Variants in BCL2 observed in about 807,000 individuals in gnomAD.
The protein encoded by BCL2 is apoptosis regulator Bcl-2.
In BCL2, 1 loss-of-function variant was observed where a neutral mutation model predicts 14.2. The ratio of observed to expected loss-of-function variants is 0.07; its 90% CI spans 0.02 to 0.33. The LOEUF is 0.33. Among genes scored for constraint, BCL2 ranks in the 10% least tolerant of loss-of-function variants. The pLI, the probability that BCL2 is intolerant of heterozygous loss-of-function variation, is 0.99. For synonymous variants in BCL2, 151 were observed against 137.2 expected, an observed-to-expected ratio of 1.10 and a Z score of -0.70; for missense variants, 247 against 305.9, an observed-to-expected ratio of 0.81 and a Z score of 1.44.
chr18:63,256,201 A>C (rs11661497), intron 2 of BCL2, among the ~76,000 whole-genome samples: 139,597 of 152,256 alleles, frequency 0.92, 64,513 homozygotes, highest in Non-Finnish European at 0.97. Flanking sequence ...TATATATGGG[A>C]AGACAACATT....
In BCL2 at chr18:63,124,898, A is replaced by G. The variant is rs1364710640; in HGVS notation, c.*3727T>C. 4.5e-6 allele frequency: 1 copy of G among 224,712 alleles called. No homozygotes were observed. Among genetic ancestry groups the G allele is most frequent in the Admixed American group, 5.7e-5 (1 of 17,518 alleles). The allele number at this position is 224,712 out of a possible 1,614,324, so 13.9% of individuals were successfully genotyped here. On this transcript the variant is annotated 3_prime_UTR_variant, in exon 3 of 3. Transcript: ENST00000333681. ...TGTACATTACTAACTATAAGTGATAAGAAAGTCTAAAAACAGCCACTGCCT... is the reference window on the plus strand; with the variant it reads ...TGTACATTACTAACTATAAGTGATAGGAAAGTCTAAAAACAGCCACTGCCT...
In BCL2 at chr18:63,168,962, T is replaced by C. The variant is rs557507654; in HGVS notation, c.586-40203A>G. On this transcript the variant is annotated intron_variant, in intron 2 of 2. Transcript: ENST00000333681. ...CGCTCAGCGGTCATCTGTCTTTATC[T>C]TGGGGTCTTAACTGTATTTGATGAA... Among the ~76,000 whole-genome samples, 24 of 152,366 alleles carry C rather than the reference T, an allele frequency of 1.6e-4. No individual in the cohort carries two copies. The South Asian group carries it at 4.8e-3, about 30-fold the overall frequency.
intron 2 of BCL2, among the ~76,000 whole-genome samples, chr18:63,250,996 C>T (rs1368681713): frequency 6.6e-6 from 1 of 152,042 alleles, no homozygotes; most frequent in Admixed American, 6.5e-5. Flanking sequence ...TGGCTTTCCT[C>T]CACCGCTCTG....
intron 2 of BCL2, among the ~76,000 whole-genome samples, chr18:63,129,309 GA>G (rs1249822872): frequency 2.8e-5 from 4 of 143,166 alleles, no homozygotes; most frequent in Non-Finnish European, 6.0e-5. Context: ...TTTTTTTAGA[GA>G]CAAGAGTCTT....
At chr18:63,164,316 A>C (rs1438761942) in intron 2 of BCL2, among the ~76,000 whole-genome samples, 2 of 152,222 alleles carry the variant, frequency 1.3e-5, no homozygotes, top group African/African-American at 2.4e-5. Context: ...ACATAAACTC[A>C]ATACAACTCA....
At chr18:63,296,375 G>GCAGCCTCAACCTCCCATCT (rs1912795301) in intron 2 of BCL2, among the ~76,000 whole-genome samples, 2 of 152,014 alleles carry the variant, frequency 1.3e-5, no homozygotes, top group African/African-American at 4.8e-5. Context: ...ATGGCTCACT[G>GCAGCCTCAACCTCCCATCT]CAGCCTCAAC....
rs577765262 is a variant in BCL2, at chr18:63,126,862, C to T, written c.*1763G>A. 2.6e-5 allele frequency: 6 copies of T among 228,238 alleles called. No homozygotes were observed. Among genetic ancestry groups the T allele is most frequent in the Non-Finnish European group, 4.4e-5 (5 of 114,864 alleles). The allele number at this position is 228,238 out of a possible 1,614,324, so 14.1% of individuals were successfully genotyped here. The stretch of plus-strand genomic sequence containing the variant: ...ATCAACCACAGCATTAAACATTGAA[C>T]AGAGTACATTCCAAAGTTAATACAG... On this transcript the variant is annotated 3_prime_UTR_variant, in exon 3 of 3. Coordinates refer to ENST00000333681, the MANE Select transcript of BCL2 (RefSeq NM_000633.3).
intron 2 of BCL2, among the ~76,000 whole-genome samples, chr18:63,267,905 C>T (rs968643259): frequency 6.6e-5 from 10 of 152,074 alleles, no homozygotes; most frequent in Non-Finnish European, 1.0e-4. Context: ...TCTCTTCTGT[C>T]TTTCTTCCTT....
chr18:63,205,232 C>G (rs1909803707), intron 2 of BCL2, among the ~76,000 whole-genome samples: 1 of 152,196 alleles, frequency 6.6e-6, no homozygotes, highest in Non-Finnish European at 1.5e-5. Context: ...TTCCTTTGAA[C>G]CGGAATAATC....
At chr18:63,235,202 A>G (rs1184475232) in intron 2 of BCL2, among the ~76,000 whole-genome samples, 4 of 152,232 alleles carry the variant, frequency 2.6e-5, no homozygotes, top group Admixed American at 1.3e-4. Context: ...AGCATTAGGA[A>G]TTCTCAGACC....
At chr18:63,257,619 G>T (rs112776664) in intron 2 of BCL2, among the ~76,000 whole-genome samples, 9 of 152,172 alleles carry the variant, frequency 5.9e-5, no homozygotes, top group African/African-American at 2.2e-4. Flanking sequence ...ACCATTCAGG[G>T]AACTGAAAAG....
chr18:63,127,049 C>T lies in BCL2; in HGVS notation c.*1576G>A, dbSNP rs1395097929. On this transcript the variant is annotated 3_prime_UTR_variant, in exon 3 of 3. Coordinates refer to ENST00000333681, the MANE Select transcript of BCL2 (RefSeq NM_000633.3). ...CCCACCATTGATTTTTTTTTTAATG[C>T]CCCAGGATGTACAGATAACCCCCAT... The T allele has an allele frequency of 4.4e-6, 1 of 226,896 alleles. No individual in the cohort carries two copies. Among genetic ancestry groups the T allele is most frequent in the Non-Finnish European group, 8.7e-6 (1 of 114,304 alleles). The allele number at this position is 226,896 out of a possible 1,614,324, so 14.1% of individuals were successfully genotyped here. A position where few individuals can be genotyped will look rare whatever the true frequency, so the allele number is the denominator to read the frequency against.
chr18:63,240,928 A>C lies in BCL2; in HGVS notation c.585+77154T>G, dbSNP rs4987763. The stretch of plus-strand genomic sequence containing the variant: ...TTGGTGTCCACTGAAAGAATGAACA[A>C]ACGAGTCAGTAAATAAATACCATGA... On this transcript the variant is annotated intron_variant, in intron 2 of 2. Coordinates refer to ENST00000333681, the MANE Select transcript of BCL2 (RefSeq NM_000633.3). 6.6e-5 allele frequency among the ~76,000 whole-genome samples: 10 copies of C among 152,376 alleles called. No individual in the cohort carries two copies. In the East Asian group the frequency reaches 1.9e-3, roughly 29 times the overall value.
At chr18:63,138,565 C>T (rs374856043) in intron 2 of BCL2, among the ~76,000 whole-genome samples, 16 of 152,368 alleles carry the variant, frequency 1.1e-4, no homozygotes, top group African/African-American at 3.4e-4. Context: ...GGCACGGGAG[C>T]GTGAGAAGCA....
chr18:63,133,077 C>T (rs1278614336), intron 2 of BCL2, among the ~76,000 whole-genome samples: 1 of 152,192 alleles, frequency 6.6e-6, no homozygotes, highest in Non-Finnish European at 1.5e-5. Flanking sequence ...ATTTCCAATT[C>T]AGAGGCCACA....
intron 2 of BCL2, among the ~76,000 whole-genome samples, chr18:63,169,217 A>T (rs1915122448): frequency 6.6e-6 from 1 of 151,152 alleles, no homozygotes; most frequent in African/African-American, 2.4e-5. Flanking sequence ...TCTAAGTTAA[A>T]TGCAGACAGA....
intron 2 of BCL2, among the ~76,000 whole-genome samples, chr18:63,197,393 T>C (rs2050429028): frequency 1.3e-5 from 2 of 152,284 alleles, no homozygotes; most frequent in Admixed American, 1.3e-4. Context: ...GTGTCTGTCA[T>C]GTGGTGAGAA....
At chr18:63,317,781 GC>G in intron 2 of BCL2, 2 of 1,250,950 alleles carry the variant, frequency 1.6e-6, no homozygotes, top group Non-Finnish European at 2.0e-6. Context: ...TGGACCTTCA[GC>G]TTGAGAAACA....
intron 2 of BCL2, among the ~76,000 whole-genome samples, chr18:63,236,965 T>TCTTTA (rs1206074964): frequency 6.6e-6 from 1 of 152,178 alleles, no homozygotes; most frequent in Admixed American, 6.5e-5. Context: ...TCTTTTCTTT[T>TCTTTA]AAAATCTGAA....
Sources: gnomAD v4.1 joint callset for allele counts (sites outside exome capture counted in the v4.1 genomes callset) on GRCh38, gnomAD v4.1.1 for gene constraint, MANE v1.5 for transcripts, NCBI Gene and HGNC (gene_info 2026-07-23, HGNC 2026-07-21) for gene names.